CACNA2D4: variants seen among roughly 807,000 people sequenced by gnomAD.
CACNA2D4 encodes calcium voltage-gated channel auxiliary subunit alpha2delta 4, also known as voltage-dependent calcium channel subunit alpha-2/delta-4.
A neutral mutation model predicts 163.8 loss-of-function variants in CACNA2D4; 157 were observed. That is an observed-to-expected ratio of 0.96 (90% CI 0.84 to 1.09). CACNA2D4 has a LOEUF of 1.09. Ranked by LOEUF, CACNA2D4 falls within the 50% of genes least tolerant of loss-of-function variation. The pLI, the probability that CACNA2D4 is intolerant of heterozygous loss-of-function variation, is 0.00. For missense variants in CACNA2D4, 1,410 were observed against 1,479.9 expected (o/e 0.95, Z 0.78); for synonymous variants, 598 against 586.9 (o/e 1.02, Z -0.27).
chr12:1,895,707 C>T (rs986780781), intron 6 of CACNA2D4, among the ~76,000 whole-genome samples: 2 of 152,148 alleles, frequency 1.3e-5, no homozygotes, highest in African/African-American at 4.8e-5. Flanking sequence ...GCAAGACTCA[C>T]AGCAGTCTTG....
At chr12:1,793,804 A>C in intron 37 of CACNA2D4, 45 bp from the exon 38 acceptor site, 1 of 1,527,582 alleles carries the variant, frequency 6.5e-7, no homozygotes, top group Non-Finnish European at 9.0e-7. Flanking sequence ...TCAGAGGAGG[A>C]CCCTCAAAAA....
rs780400058 is a variant in CACNA2D4, at chr12:1,878,291, A to G, written c.1719+24T>C. On this transcript the variant is annotated intron_variant, in intron 16 of 37. Coordinates refer to ENST00000382722, the MANE Select transcript of CACNA2D4 (RefSeq NM_172364.5). The surrounding 1 kb of genome is among the most constrained non-coding windows in gnomAD (Gnocchi z 4.6). Reference sequence around the variant, plus strand: ...CCAAATCCCATACAGTAAGGATCCCAAGGCAAAGAAGATCTGTACCTACCA... The same window carrying G: ...CCAAATCCCATACAGTAAGGATCCCGAGGCAAAGAAGATCTGTACCTACCA... The G allele has an allele frequency of 2.5e-6, 4 of 1,599,874 alleles. No individual in the cohort carries two copies. Among genetic ancestry groups the G allele is most frequent in the Non-Finnish European group, 3.4e-6 (4 of 1,173,208 alleles).
At chr12:1,810,063 C>CT (rs1863653912) in intron 29 of CACNA2D4, among the ~76,000 whole-genome samples, 1 of 152,222 alleles carries the variant, frequency 6.6e-6, no homozygotes, top group Non-Finnish European at 1.5e-5. Context: ...AATATTTTCT[C>CT]TGACTCCCTG....
intron 26 of CACNA2D4, among the ~76,000 whole-genome samples, chr12:1,819,233 G>A (rs1863998310): frequency 6.6e-6 from 1 of 152,172 alleles, no homozygotes; most frequent in Non-Finnish European, 1.5e-5. Context: ...TGGAGAAGCA[G>A]GAAGTATGTT....
intron 19 of CACNA2D4, among the ~76,000 whole-genome samples, chr12:1,859,150 G>A (rs1460376967): frequency 6.6e-6 from 1 of 152,102 alleles, no homozygotes; most frequent in African/African-American, 2.4e-5. Context: ...AATTGGTCTG[G>A]CCAGCCTGGG....
intron 6 of CACNA2D4, among the ~76,000 whole-genome samples, chr12:1,891,941 C>T (rs1002384751): frequency 1.3e-5 from 2 of 152,004 alleles, no homozygotes; most frequent in Non-Finnish European, 2.9e-5. Context: ...CATTAAGTGG[C>T]CAAATGTTCA....
chr12:1,897,746 T>C (rs904756200), intron 6 of CACNA2D4, among the ~76,000 whole-genome samples: 1 of 152,210 alleles, frequency 6.6e-6, no homozygotes, highest in African/African-American at 2.4e-5. Context: ...GGTGTCACTC[T>C]ATGACTATCA....
rs1207123796 is a variant in CACNA2D4, at chr12:1,806,959, G to C, written c.2721+3319C>G. On this transcript the variant is annotated intron_variant, in intron 29 of 37. Coordinates refer to ENST00000382722, the MANE Select transcript of CACNA2D4 (RefSeq NM_172364.5). This position sits in a 1 kb window ranked among gnomAD's most constrained non-coding sequence, Gnocchi z 4.1. ...GGGGAAGAGGGGCAGGTTTGGGTCGGTTGGTGGGAGTTGGTGGTGGGCAGA... is the reference window on the plus strand; with the variant it reads ...GGGGAAGAGGGGCAGGTTTGGGTCGCTTGGTGGGAGTTGGTGGTGGGCAGA... Among the ~76,000 whole-genome samples, 1 of 152,092 alleles carries C rather than the reference G, an allele frequency of 6.6e-6. No individual in the cohort carries two copies. Among genetic ancestry groups the C allele is most frequent in the Non-Finnish European group, 1.5e-5 (1 of 68,014 alleles).
At chr12:1,817,008 G>C (rs1240306678) in intron 26 of CACNA2D4, among the ~76,000 whole-genome samples, 1 of 152,252 alleles carries the variant, frequency 6.6e-6, no homozygotes, top group Admixed American at 6.5e-5. Context: ...AGAAGCTCCA[G>C]CTTTGCCCTC....
At chr12:1,918,010 C>T (rs1592757992) in intron 1 of CACNA2D4, 12 of 491,054 alleles carry the variant, frequency 2.4e-5, no homozygotes, top group East Asian at 2.4e-4. Context: ...TAAAGCCATC[C>T]GGCTCCTGGG....
At chr12:1,904,578 A>G (rs946356058) in intron 6 of CACNA2D4, among the ~76,000 whole-genome samples, 3 of 152,044 alleles carry the variant, frequency 2.0e-5, no homozygotes, top group African/African-American at 7.2e-5. Context: ...TGTATAAAGA[A>G]GGAATTTTGT....
intron 18 of CACNA2D4, among the ~76,000 whole-genome samples, chr12:1,866,796 T>TC (rs1460609116): frequency 6.6e-6 from 1 of 150,870 alleles, no homozygotes; most frequent in Non-Finnish European, 1.5e-5. Flanking sequence ...AATTTTTTTT[T>TC]TTTTTTTGTA....
chr12:1,800,597 TC>T, intron 31 of CACNA2D4, 159 bp from the exon 32 acceptor site: 3 of 636,810 alleles, frequency 4.7e-6, no homozygotes, highest in Non-Finnish European at 8.4e-6. Flanking sequence ...GCACCCCCCA[TC>T]CCCCCACCTC....
chr12:1,848,264 T>C (rs1294086324), intron 23 of CACNA2D4, among the ~76,000 whole-genome samples: 1 of 152,204 alleles, frequency 6.6e-6, no homozygotes, highest in Non-Finnish European at 1.5e-5. Context: ...CTCTTTTCCT[T>C]GCAATCGATG....
rs1430954002 is a variant in CACNA2D4 at position 1,834,638 on chromosome 12, C to A, written c.2551+6101G>T. 1.2e-6 allele frequency: 2 copies of A among 1,600,572 alleles called. No homozygotes were observed. Among genetic ancestry groups the A allele is most frequent in the Non-Finnish European group, 1.7e-6 (2 of 1,179,848 alleles). ...CGCCTCCCTCATGGCCAAGTACCAC[C>A]GGGAGCTCAAAAAGCGCCAGCCCCT... is the stretch of plus-strand genomic sequence containing the variant. On this transcript the variant is annotated intron_variant, in intron 26 of 37. Transcript: ENST00000382722. This position sits in a 1 kb window ranked among gnomAD's most constrained non-coding sequence, Gnocchi z 7.6.
At position 1,820,246 on chromosome 12, in the gene CACNA2D4, C is replaced by CGGCGGGGCG. The variant is rs1555176997; in HGVS notation, c.2552-8524_2552-8523insCGCCCCGCC. ...GAGAGGCACAGAAGACAGGTGCAGC[C>CGGCGGGGCG]GGGGGGGTGAGGGAGAGCCTGGAGG... On this transcript the variant is annotated intron_variant, in intron 26 of 37. Transcript: ENST00000382722. This position sits in a 1 kb window ranked among gnomAD's most constrained non-coding sequence, Gnocchi z 6.0. 3.3e-5 allele frequency: 5 copies of CGGCGGGGCG among 150,962 alleles called. No individual in the cohort carries two copies. The highest frequency in any genetic ancestry group is 1.2e-4 in the African/African-American group (5 of 40,326). The allele number at this position is 150,962 out of a possible 1,614,324, so 9.4% of individuals were successfully genotyped here.
At chr12:1,837,280 C>T (rs1299234050) in intron 26 of CACNA2D4, among the ~76,000 whole-genome samples, 2 of 152,204 alleles carry the variant, frequency 1.3e-5, no homozygotes, top group African/African-American at 4.8e-5. Flanking sequence ...TTCTTTCAGC[C>T]TCACTGGATG....
chr12:1,824,114 A>AT (rs1369267534), intron 26 of CACNA2D4, among the ~76,000 whole-genome samples: 1 of 152,030 alleles, frequency 6.6e-6, no homozygotes, highest in African/African-American at 2.4e-5. Context: ...GACTGTGGTA[A>AT]TTTTTTTCTC....
intron 22 of CACNA2D4, among the ~76,000 whole-genome samples, chr12:1,854,436 C>T (rs1191907385): frequency 1.3e-5 from 2 of 152,068 alleles, no homozygotes; most frequent in Non-Finnish European, 2.9e-5. Context: ...GATGGAGTCT[C>T]ATTCTGTTGC....
Sources: gnomAD v4.1 joint callset for allele counts (sites outside exome capture counted in the v4.1 genomes callset) on GRCh38, gnomAD v4.1.1 for gene constraint, Gnocchi (gnomAD v3.1) non-coding constraint, MANE v1.5 for transcripts, NCBI Gene and HGNC (gene_info 2026-07-23, HGNC 2026-07-21) for gene names.